Variants in KLHDC4 observed in about 807,000 individuals in gnomAD.
The protein encoded by KLHDC4 is kelch domain containing 4, also known as kelch domain-containing protein 4.
KLHDC4 carries 90 observed loss-of-function variants against 62.4 expected under a neutral mutation model. The observed-to-expected ratio is 1.44, with a 90% CI of 1.22 to 1.72. The LOEUF (loss-of-function observed/expected upper bound fraction) is 1.72, where lower values mean the gene tolerates loss of function less well. Ranked by LOEUF, KLHDC4 falls within the 40% of genes most tolerant of loss-of-function variation. The pLI is 0.00. For synonymous variants in KLHDC4, 386 were observed against 284.4 expected (o/e 1.36, Z -3.59); for missense variants, 1,025 against 699.7 (o/e 1.47, Z -5.25).
At chr16:87,754,243 G>T (rs1240837789) in intron 4 of KLHDC4, among the ~76,000 whole-genome samples, 7 of 152,178 alleles carry the variant, frequency 4.6e-5, no homozygotes, top group Non-Finnish European at 1.0e-4. Context: ...TTACTCAGGA[G>T]GCTGGGGCAG....
At chr16:87,718,296 C>A (rs1159648892) in intron 7 of KLHDC4, among the ~76,000 whole-genome samples, 2 of 123,234 alleles carry the variant, frequency 1.6e-5, no homozygotes, top group East Asian at 5.5e-4. Flanking sequence ...TCTCCCTCTC[C>A]CTCTCCCTCC....
At chr16:87,747,394 G>A (rs1328690391) in intron 5 of KLHDC4, among the ~76,000 whole-genome samples, 2 of 152,196 alleles carry the variant, frequency 1.3e-5, no homozygotes, top group African/African-American at 4.8e-5. Context: ...TAAAGCAAAA[G>A]GACAACTGTG....
intron 7 of KLHDC4, among the ~76,000 whole-genome samples, chr16:87,721,910 A>C (rs2038433939): frequency 6.6e-6 from 1 of 151,898 alleles, no homozygotes; most frequent in South Asian, 2.1e-4. Flanking sequence ...GTCCATGGAA[A>C]CAGACCACTA....
At chr16:87,763,220 C>T (rs1180179805) in intron 1 of KLHDC4, among the ~76,000 whole-genome samples, 3 of 152,236 alleles carry the variant, frequency 2.0e-5, no homozygotes, top group African/African-American at 4.8e-5. Flanking sequence ...ATCTGGAACT[C>T]GATGCTTATT....
At chr16:87,736,984 G>A (rs1252543532) in intron 5 of KLHDC4, among the ~76,000 whole-genome samples, 4 of 151,306 alleles carry the variant, frequency 2.6e-5, no homozygotes, top group Non-Finnish European at 5.9e-5. Flanking sequence ...CATTAGCCAG[G>A]CATGGTGGTA....
chr16:87,743,727 G>A (rs77472719), intron 5 of KLHDC4, among the ~76,000 whole-genome samples: 7,769 of 151,738 alleles, frequency 0.051, 271 homozygotes, highest in East Asian at 0.15. Context: ...GAGACAGAGC[G>A]CGACACCGCC....
intron 2 of KLHDC4, among the ~76,000 whole-genome samples, chr16:87,760,956 C>G (rs866246017): frequency 1.3e-5 from 2 of 152,042 alleles, no homozygotes; most frequent in Non-Finnish European, 2.9e-5. Flanking sequence ...TCACTTGAAC[C>G]TGGGAGGCAG....
chr16:87,721,541 C>A (rs2038347378), intron 7 of KLHDC4, among the ~76,000 whole-genome samples: 1 of 151,924 alleles, frequency 6.6e-6, no homozygotes, highest in Non-Finnish European at 1.5e-5. Flanking sequence ...CTGAGACAAC[C>A]TGCAGCCGGT....
At chr16:87,699,129 C>T (rs186691617) in exon 1 of KLHDC4, 1 of 152,318 alleles carries the variant, frequency 6.6e-6, no homozygotes, top group East Asian at 1.9e-4. Context: ...CCTGGAAGAG[C>T]TGGAGAAGAC....
chr16:87,756,936 T>G (rs1323922846), intron 2 of KLHDC4, among the ~76,000 whole-genome samples: 1 of 151,768 alleles, frequency 6.6e-6, no homozygotes, highest in Admixed American at 6.6e-5. Context: ...GCCTCAGCCC[T>G]CCGAGTGGCT....
chr16:87,704,759 T>TAAACAC (rs1246820699), downstream of KLHDC4, among the ~76,000 whole-genome samples: 1 of 152,008 alleles, frequency 6.6e-6, no homozygotes, highest in Non-Finnish European at 1.5e-5. Flanking sequence ...TGCTCTCATC[T>TAAACAC]AAACACAAAC....
At chr16:87,761,748 G>A (rs1212189173) in intron 2 of KLHDC4, among the ~76,000 whole-genome samples, 1 of 152,192 alleles carries the variant, frequency 6.6e-6, no homozygotes, top group Admixed American at 6.6e-5. Flanking sequence ...CAGCTGTGCT[G>A]TAGGCCCTGC....
rs967438951 is a variant in KLHDC4, at chr16:87,708,218, G to A, written c.*1+132C>T. The A allele has an allele frequency of 1.7e-5, 11 of 651,196 alleles. No individual in the cohort carries two copies. The African/African-American group carries it at 1.8e-4, about 11-fold the overall frequency. 40.3% of individuals were successfully genotyped at this position (651,196 alleles called of 1,614,324 possible). ...GGCACACGGCACTCATTAGCAAGCT[G>A]CCCAAATTACTCCACACACCAACGT... On this transcript the variant is annotated intron_variant, in intron 11 of 11. Transcript: ENST00000270583.
chr16:87,729,791 T>C (rs960673694), intron 6 of KLHDC4, among the ~76,000 whole-genome samples: 1 of 152,010 alleles, frequency 6.6e-6, no homozygotes, highest in Non-Finnish European at 1.5e-5. Context: ...GCTCTCAAAG[T>C]GAAGTCCCCT....
At position 87,711,351 on chromosome 16, in the gene KLHDC4, GTGTC is replaced by G. The variant is rs1337408327; in HGVS notation, c.924_927del (p.Gln308HisfsTer39). ...TCGTCACAGACACCCCCGAAGAACA[GTGTC>G]TGGTGATTCGGGGCCATGGCCACGG... On this transcript the variant is annotated frameshift_variant, in exon 9 of 12. Transcript: ENST00000270583. LOFTEE classifies it high-confidence loss of function. 2 of 1,614,000 alleles carry G rather than the reference GTGTC, an allele frequency of 1.2e-6. No homozygotes were observed. The highest frequency in any genetic ancestry group is 2.2e-5 in the South Asian group (2 of 91,080).
intron 5 of KLHDC4, among the ~76,000 whole-genome samples, chr16:87,742,226 C>A (rs758425173): frequency 6.6e-6 from 1 of 152,278 alleles, no homozygotes; most frequent in East Asian, 1.9e-4. Flanking sequence ...CGCAGCCCAG[C>A]CCATGAAATC....
intron 4 of KLHDC4, among the ~76,000 whole-genome samples, chr16:87,752,484 G>A (rs904557554): frequency 1.4e-4 from 22 of 151,922 alleles, no homozygotes; most frequent in Middle Eastern, 3.4e-3. Context: ...TTACAGGCAC[G>A]CGCCACGACG....
chr16:87,759,875 C>A (rs930529213), intron 2 of KLHDC4, among the ~76,000 whole-genome samples: 2 of 152,182 alleles, frequency 1.3e-5, no homozygotes, highest in African/African-American at 4.8e-5. Context: ...AACTGAGGTC[C>A]CCACCCAGCC....
At chr16:87,724,498 C>G (rs1012582377) in intron 7 of KLHDC4, among the ~76,000 whole-genome samples, 26 of 152,190 alleles carry the variant, frequency 1.7e-4, no homozygotes, top group African/African-American at 6.3e-4. Context: ...ATGTCACCTT[C>G]TGCAACTCAC....
Sources: allele counts gnomAD v4.1 joint callset (sites outside exome capture counted in the v4.1 genomes callset), GRCh38; gene constraint gnomAD v4.1.1; transcripts MANE v1.5; gene names NCBI Gene and HGNC (gene_info 2026-07-23, HGNC 2026-07-21).